SCARB2: variants seen among roughly 807,000 people sequenced by gnomAD.
SCARB2 encodes scavenger receptor class B member 2.
In SCARB2, 29 loss-of-function variants were observed where a neutral mutation model predicts 58.6. That is an observed-to-expected ratio of 0.49 (90% CI 0.37 to 0.67). The LOEUF (loss-of-function observed/expected upper bound fraction) is 0.67. Among genes scored for constraint, SCARB2 ranks in the 30% least tolerant of loss-of-function variants. SCARB2 has a pLI of 0.00. For synonymous variants in SCARB2, 195 were observed against 210.1 expected (o/e 0.93, Z 0.62); for missense variants, 488 against 578.5 (o/e 0.84, Z 1.60).
At position 76,159,437 on chromosome 4, in the gene SCARB2, A is replaced by G. The variant is rs1731847694; in HGVS notation, c.*2276T>C. 1.3e-5 allele frequency: 2 copies of G among 152,234 alleles called. No homozygotes were observed. The highest frequency in any genetic ancestry group is 2.4e-5 in the African/African-American group (1 of 41,446). 9.4% of individuals were successfully genotyped at this position (152,234 alleles called of 1,614,324 possible). ...AACCAAGTAACTATTAAGAATCATA[A>G]AACAGGCCAGGCCCGGTGGCTTACG... On this transcript the variant is annotated 3_prime_UTR_variant, in exon 12 of 12. Coordinates refer to ENST00000264896, the MANE Select transcript of SCARB2 (RefSeq NM_005506.4).
intron 1 of SCARB2, among the ~76,000 whole-genome samples, chr4:76,208,297 A>G (rs542318375): frequency 8.5e-5 from 13 of 152,350 alleles, no homozygotes; most frequent in Non-Finnish European, 1.8e-4. Flanking sequence ...AATAAACTTA[A>G]TATGATTTTG....
At chr4:76,209,691 G>T (rs1474288795) in intron 1 of SCARB2, among the ~76,000 whole-genome samples, 1 of 152,188 alleles carries the variant, frequency 6.6e-6, no homozygotes, top group East Asian at 1.9e-4. Flanking sequence ...TGAGGAATCG[G>T]TAGAACAGCT....
At chr4:76,163,197 GGAA>G (rs771083096) in intron 11 of SCARB2, 25 bp downstream of exon 11, 1 of 1,613,992 alleles carries the variant, frequency 6.2e-7, no homozygotes, top group South Asian at 1.1e-5. Context: ...TATCCAGTAA[GGAA>G]GAAGTTCCTT....
intron 1 of SCARB2, among the ~76,000 whole-genome samples, chr4:76,209,985 C>T (rs1733008090): frequency 6.6e-6 from 1 of 152,192 alleles, no homozygotes; most frequent in African/African-American, 2.4e-5. Flanking sequence ...ATTAGGAGCG[C>T]AAACTTAATA....
intron 2 of SCARB2, among the ~76,000 whole-genome samples, chr4:76,190,136 G>T (rs114527379): frequency 0.028 from 4,189 of 151,472 alleles, 151 homozygotes; most frequent in African/African-American, 0.087. Context: ...AGCCTCCCAC[G>T]TAGCTGGGGC....
chr4:76,221,979 C>T (rs1360750081), intron 1 of SCARB2, among the ~76,000 whole-genome samples: 1 of 152,200 alleles, frequency 6.6e-6, no homozygotes, highest in Non-Finnish European at 1.5e-5. Flanking sequence ...ATCCCAAACT[C>T]TTTAACAATA....
In SCARB2 at chr4:76,161,368, A is replaced by G. The variant is rs1024837397; in HGVS notation, c.*345T>C. The G allele has an allele frequency of 2.8e-6, 1 of 351,968 alleles. No homozygotes were observed. The highest frequency in any genetic ancestry group is 5.3e-6 in the Non-Finnish European group (1 of 187,498). The allele number at this position is 351,968 out of a possible 1,614,324, so 21.8% of individuals were successfully genotyped here. A position where few individuals can be genotyped will look rare whatever the true frequency, so the allele number is the denominator to read the frequency against. On this transcript the variant is annotated 3_prime_UTR_variant, in exon 12 of 12. Transcript: ENST00000264896. Reference sequence around the variant, plus strand: ...GCATACTGAATGAAGTTAGACCAGTAGCATTAACAAGTGATGCAGAGACAT... The same window carrying G: ...GCATACTGAATGAAGTTAGACCAGTGGCATTAACAAGTGATGCAGAGACAT...
intron 1 of SCARB2, among the ~76,000 whole-genome samples, chr4:76,227,468 A>C (rs1277507399): frequency 6.6e-6 from 1 of 152,204 alleles, no homozygotes; most frequent in African/African-American, 2.4e-5. Context: ...CATATGGTCT[A>C]TCTTGGAGAA....
intron 1 of SCARB2, among the ~76,000 whole-genome samples, chr4:76,207,922 A>G (rs1339216285): frequency 2.0e-5 from 3 of 152,246 alleles, no homozygotes; most frequent in Non-Finnish European, 2.9e-5. Context: ...AATAGTAATT[A>G]TAAGTAGTAA....
chr4:76,230,147 A>G (rs79580103), intron 1 of SCARB2, among the ~76,000 whole-genome samples: 8,923 of 152,168 alleles, frequency 0.059, 280 homozygotes, highest in Middle Eastern at 0.088. Context: ...AAAAACCATG[A>G]GGTGGGTGCA....
At chr4:76,215,958 A>G (rs139590351), upstream of SCARB2, among the ~76,000 whole-genome samples, 72 of 152,310 alleles carry the variant, frequency 4.7e-4, no homozygotes, top group African/African-American at 1.6e-3. Context: ...TAACTGGAGC[A>G]GATGGTAAGG....
chr4:76,213,922 A>AGGCCGCAGTCATGTGCCCTGCGGCGGC (rs1733140407), upstream of SCARB2: 1 of 162,360 alleles, frequency 6.2e-6, no homozygotes, highest in Admixed American at 6.5e-5. Flanking sequence ...GCGGGGGCGG[A>AGGCCGCAGTCATGTGCCCTGCGGCGGC]GGCCGCAGTC....
chr4:76,188,151 A>T (rs1242188540), intron 2 of SCARB2, among the ~76,000 whole-genome samples: 1 of 152,202 alleles, frequency 6.6e-6, no homozygotes, highest in East Asian at 1.9e-4. Flanking sequence ...AATGGTAGGC[A>T]AAATAGAAAA....
rs1731875139 is a variant in SCARB2 at position 76,160,596 on chromosome 4, CAGTG to C, written c.*1113_*1116del. On this transcript the variant is annotated 3_prime_UTR_variant, in exon 12 of 12. Transcript: ENST00000264896. ...AGTATAGGGCACACGTTTCTCTATT[CAGTG>C]AGTGACAGTGAGCTACAAAACACTG... is the stretch of plus-strand genomic sequence containing the variant. The C allele has an allele frequency of 6.6e-6, 1 of 152,164 alleles. No homozygotes were observed. Among genetic ancestry groups the C allele is most frequent in the South Asian group, 2.1e-4 (1 of 4,828 alleles). 9.4% of individuals were successfully genotyped at this position (152,164 alleles called of 1,614,324 possible). A position where few individuals can be genotyped will look rare whatever the true frequency, so the allele number is the denominator to read the frequency against.
At chr4:76,185,195 G>A (rs943770814) in intron 2 of SCARB2, among the ~76,000 whole-genome samples, 4 of 152,124 alleles carry the variant, frequency 2.6e-5, no homozygotes, top group African/African-American at 9.7e-5. Context: ...GTAATTTATT[G>A]GAATATGGAG....
chr4:76,221,588 G>A (rs747490637), intron 1 of SCARB2, among the ~76,000 whole-genome samples: 13 of 152,090 alleles, frequency 8.5e-5, no homozygotes, highest in African/African-American at 2.2e-4. Flanking sequence ...CTAAAGTGCT[G>A]GGATTACAGG....
intron 1 of SCARB2, among the ~76,000 whole-genome samples, chr4:76,223,323 G>A (rs956110660): frequency 1.3e-5 from 2 of 152,282 alleles, no homozygotes; most frequent in African/African-American, 4.8e-5. Context: ...TAGATTTCCA[G>A]TGAGTTTTGG....
intron 1 of SCARB2, among the ~76,000 whole-genome samples, chr4:76,207,362 T>A (rs1398896691): frequency 6.6e-5 from 10 of 152,330 alleles, no homozygotes; most frequent in African/African-American, 2.4e-4. Flanking sequence ...CTCAATAATT[T>A]TTAAGAATAT....
intron 9 of SCARB2, among the ~76,000 whole-genome samples, chr4:76,167,882 A>G (rs1400313619): frequency 1.3e-5 from 2 of 152,052 alleles, no homozygotes; most frequent in African/African-American, 2.4e-5. Context: ...AGGTTTCACC[A>G]TGTTGGCCAG....
Sources: gnomAD v4.1 joint callset for allele counts (sites outside exome capture counted in the v4.1 genomes callset) on GRCh38, gnomAD v4.1.1 for gene constraint, MANE v1.5 for transcripts, NCBI Gene and HGNC (gene_info 2026-07-23, HGNC 2026-07-21) for gene names.